The following PRKAG2 variants were observed in gnomAD, a reference collection of about 807,000 sequenced individuals.
PRKAG2 encodes the protein 5'-AMP-activated protein kinase subunit gamma-2.
Under a neutral mutation model 69.6 loss-of-function variants are expected in PRKAG2, and 26 were observed. That is an observed-to-expected ratio of 0.37 (90% confidence interval 0.27 to 0.52). PRKAG2 has a LOEUF of 0.52. Among genes scored for constraint, PRKAG2 ranks in the 20% least tolerant of loss-of-function variants. PRKAG2 has a pLI of 0.90. For missense variants in PRKAG2, 557 were observed against 740.0 expected, an observed-to-expected ratio of 0.75 and a Z score of 2.87; for synonymous variants, 293 against 285.0, an observed-to-expected ratio of 1.03 and a Z score of -0.28.
chr7:151,745,059 T>C (rs1481174645), intron 3 of PRKAG2, among the ~76,000 whole-genome samples: 1 of 152,120 alleles, frequency 6.6e-6, no homozygotes. Flanking sequence ...GCTCTGCTGG[T>C]TCCTCATCAG....
At position 151,679,200 on chromosome 7, in the gene PRKAG2, T is replaced by C. The variant is rs1833434517; in HGVS notation, c.467-3563A>G. On this transcript the variant is annotated intron_variant, in intron 3 of 15. Transcript: ENST00000287878. ...GCTCCAGCTGCTTGGCACTGAGAAA[T>C]AGAGACAGTAGCCAGGGCTCGGGGA... Among the ~76,000 whole-genome samples, 3 of 152,094 alleles carry C rather than the reference T, an allele frequency of 2.0e-5. No individual in the cohort carries two copies. The South Asian group carries it at 6.2e-4, about 32-fold the overall frequency.
chr7:151,677,749 C>G (rs945756339), intron 3 of PRKAG2, among the ~76,000 whole-genome samples: 17 of 152,306 alleles, frequency 1.1e-4, no homozygotes, highest in African/African-American at 4.1e-4. Flanking sequence ...TCAAGTAAGA[C>G]AAATGCTGAG....
chr7:151,557,138 G>A lies in PRKAG2; in HGVS notation c.*63C>T. Reference sequence around the variant, plus strand: ...AACCACTTGCAGCCAGTGTTCATGAGGCAAAACGTGACCCAGAGACTTTGT... The same window carrying A: ...AACCACTTGCAGCCAGTGTTCATGAAGCAAAACGTGACCCAGAGACTTTGT... On this transcript the variant is annotated 3_prime_UTR_variant, in exon 16 of 16. Coordinates refer to ENST00000287878, the MANE Select transcript of PRKAG2 (RefSeq NM_016203.4). 6.2e-7 allele frequency: 1 copy of A among 1,613,216 alleles called. No homozygotes were observed.
chr7:151,763,005 GC>G (rs1160094021), intron 3 of PRKAG2, among the ~76,000 whole-genome samples: 1 of 152,184 alleles, frequency 6.6e-6, no homozygotes, highest in Non-Finnish European at 1.5e-5. Flanking sequence ...GATGGGCAGG[GC>G]TCCCGAGTCG....
At position 151,595,345 on chromosome 7, in the gene PRKAG2, T is replaced by C; in HGVS notation, c.864A>G (p.Gln288=). ...ATTCATGAAAATGGAGTACACTTAC[T>C]TGTAATGTAGTATCAAAGACAACAA... ...SKLVVFDTTL[Q]VKKAFFALVA... The change falls in exon 6 of 16, where the codon CAA becomes CAG. Residue 288 remains glutamine (Q), a splice_region_variant and synonymous_variant. Transcript: ENST00000287878. 1 of 1,606,636 alleles carries C rather than the reference T, an allele frequency of 6.2e-7. No individual in the cohort carries two copies. Among genetic ancestry groups the C allele is most frequent in the Non-Finnish European group, 8.5e-7 (1 of 1,173,480 alleles).
Position 151,773,046 on chromosome 7 carries a change from A to G in PRKAG2, c.466+8106T>C, listed in dbSNP as rs1470336062. 7.9e-3 allele frequency among the ~76,000 whole-genome samples: 288 copies of G among 36,520 alleles called. 9 individuals carry two copies. Among genetic ancestry groups the G allele is most frequent in the African/African-American group, 0.028 (214 of 7,752 alleles). 24.0% of individuals were successfully genotyped at this position (36,520 alleles called of 152,430 possible). A position where few individuals can be genotyped will look rare whatever the true frequency, so the allele number is the denominator to read the frequency against. ...GAAAGAGAGAGAGAGAGAGAGAGAGAGAGAGAGGGAGGGAGGGAGGGAGGG... is the reference window on the plus strand; with the variant it reads ...GAAAGAGAGAGAGAGAGAGAGAGAGGGAGAGAGGGAGGGAGGGAGGGAGGG... On this transcript the variant is annotated intron_variant, in intron 3 of 15. Transcript: ENST00000287878.
At chr7:151,801,076 G>A (rs2077811822) in intron 1 of PRKAG2, among the ~76,000 whole-genome samples, 1 of 152,154 alleles carries the variant, frequency 6.6e-6, no homozygotes, top group Non-Finnish European at 1.5e-5. Flanking sequence ...AATTTCATCT[G>A]CCAAACAACT....
intron 5 of PRKAG2, among the ~76,000 whole-genome samples, chr7:151,602,670 T>C (rs866907033): frequency 5.3e-5 from 8 of 152,218 alleles, no homozygotes; most frequent in Non-Finnish European, 8.8e-5. Flanking sequence ...TCTTACGTTA[T>C]TGATATGGTT....
At chr7:151,800,150 G>A (rs191193885) in intron 1 of PRKAG2, among the ~76,000 whole-genome samples, 1 of 151,948 alleles carries the variant, frequency 6.6e-6, no homozygotes, top group Admixed American at 6.5e-5. Context: ...GAGGTCAGGA[G>A]ATCGAGACCA....
At chr7:151,571,084 T>TTTA in intron 9 of PRKAG2, among the ~76,000 whole-genome samples, 1 of 150,318 alleles carries the variant, frequency 6.7e-6, no homozygotes, top group African/African-American at 2.5e-5. Flanking sequence ...TTTTTTTTTT[T>TTTA]TTTTTGAGAA....
chr7:151,736,597 T>G (rs1026358214), intron 3 of PRKAG2, among the ~76,000 whole-genome samples: 1 of 152,154 alleles, frequency 6.6e-6, no homozygotes, highest in Non-Finnish European at 1.5e-5. Context: ...TTTTGATTCA[T>G]GGGTTCCAGG....
rs553304656 is a variant in PRKAG2 at position 151,816,750 on chromosome 7, T to G, written c.115-30209A>C. ...CCAGAGATCCGGCCAATCTCAATAT[T>G]TTCTCCTGCTGGTTCTGGAACTAGC... is the stretch of plus-strand genomic sequence containing the variant. On this transcript the variant is annotated intron_variant, in intron 1 of 15. Transcript: ENST00000287878. Among the ~76,000 whole-genome samples the G allele has an allele frequency of 5.3e-4, 81 of 152,334 alleles. 1 individual carries two copies. Among genetic ancestry groups the G allele is most frequent in the Non-Finnish European group, 1.5e-5 (1 of 68,026 alleles).
At chr7:151,670,170 A>C (rs1374912505) in intron 4 of PRKAG2, among the ~76,000 whole-genome samples, 1 of 151,902 alleles carries the variant, frequency 6.6e-6, no homozygotes, top group African/African-American at 2.4e-5. Context: ...ATGCCCACAT[A>C]CACCCACACA....
intron 3 of PRKAG2, among the ~76,000 whole-genome samples, chr7:151,689,708 G>C (rs1018321220): frequency 2.0e-5 from 3 of 152,190 alleles, no homozygotes; most frequent in Non-Finnish European, 1.5e-5. Flanking sequence ...GCTGCCATGG[G>C]ACTCCAACCA....
chr7:151,686,208 G>A (rs1585757673), intron 3 of PRKAG2, among the ~76,000 whole-genome samples: 1 of 152,208 alleles, frequency 6.6e-6, no homozygotes, highest in Non-Finnish European at 1.5e-5. Flanking sequence ...ATGGGGCCAG[G>A]AGGAGCCTGG....
rs1171183980 is a variant in PRKAG2, at chr7:151,780,529, G to A, written c.466+623C>T. Among the ~76,000 whole-genome samples the A allele has an allele frequency of 6.6e-6, 1 of 152,136 alleles. No homozygotes were observed. The highest frequency in any genetic ancestry group is 1.5e-5 in the Non-Finnish European group (1 of 68,028). ...TGGTATATTTCATATTATCATCGAC[G>A]GCGCTCAAATGAAAATACCTTATCC... On this transcript the variant is annotated intron_variant, in intron 3 of 15. Coordinates refer to ENST00000287878, the MANE Select transcript of PRKAG2 (RefSeq NM_016203.4). This position sits in a 1 kb window ranked among gnomAD's most constrained non-coding sequence, Gnocchi z 4.2.
At chr7:151,856,338 C>T (rs544023705) in intron 1 of PRKAG2, among the ~76,000 whole-genome samples, 10 of 152,260 alleles carry the variant, frequency 6.6e-5, no homozygotes, top group Admixed American at 1.3e-4. Context: ...CCCGCGCAGC[C>T]GAGGACGCAA....
chr7:151,713,772 G>A (rs1795699651), intron 3 of PRKAG2, among the ~76,000 whole-genome samples: 1 of 151,844 alleles, frequency 6.6e-6, no homozygotes, highest in Admixed American at 6.6e-5. Context: ...TAGAGAAGGG[G>A]TCTATGTTGC....
intron 4 of PRKAG2, among the ~76,000 whole-genome samples, chr7:151,667,191 T>C (rs1831182138): frequency 6.6e-6 from 1 of 152,222 alleles, no homozygotes; most frequent in African/African-American, 2.4e-5. Flanking sequence ...TTGTTGAGAC[T>C]GCATTGCATC....
Sources: allele counts gnomAD v4.1 joint callset (sites outside exome capture counted in the v4.1 genomes callset), GRCh38; gene constraint gnomAD v4.1.1; non-coding constraint Gnocchi (gnomAD v3.1); transcripts MANE v1.5; gene names NCBI Gene and HGNC (gene_info 2026-07-23, HGNC 2026-07-21).